NALF1: variants seen among roughly 807,000 people sequenced by gnomAD.
NALF1 encodes the protein NALCN channel auxiliary factor 1.
NALF1 carries 3 observed loss-of-function variants against 48.4 expected under a neutral mutation model. That is an observed-to-expected ratio of 0.06 (90% confidence interval 0.03 to 0.16). The LOEUF (loss-of-function observed/expected upper bound fraction) is 0.16, where lower values mean the gene tolerates loss of function less well. Ranked by LOEUF, NALF1 falls within the 10% of genes least tolerant of loss-of-function variation. The pLI, the probability that NALF1 is intolerant of heterozygous loss-of-function variation, is 1.00. For synonymous variants in NALF1, 262 were observed against 245.7 expected, an observed-to-expected ratio of 1.07 and a Z score of -0.62; for missense variants, 526 against 571.5, an observed-to-expected ratio of 0.92 and a Z score of 0.81.
intron 1 of NALF1, among the ~76,000 whole-genome samples, chr13:107,348,771 T>C (rs1280063832): frequency 6.6e-6 from 1 of 152,210 alleles, no homozygotes; most frequent in African/African-American, 2.4e-5. Context: ...TTTTAATGGT[T>C]TTTATAAATA....
At chr13:107,786,906 GCAAA>G (rs1878091779) in intron 1 of NALF1, among the ~76,000 whole-genome samples, 1 of 152,198 alleles carries the variant, frequency 6.6e-6, no homozygotes, top group Non-Finnish European at 1.5e-5. Context: ...TGAGAGCGGA[GCAAA>G]CAATGTTGGA....
intron 1 of NALF1, chr13:107,466,492 A>T (rs146474237): frequency 6.6e-6 from 1 of 152,280 alleles, no homozygotes; most frequent in African/African-American, 2.4e-5. Flanking sequence ...ATCCACTCAA[A>T]TGCAGGTCTC....
intron 1 of NALF1, among the ~76,000 whole-genome samples, chr13:107,742,969 TCC>T (rs1255200800): frequency 1.3e-5 from 2 of 152,228 alleles, no homozygotes; most frequent in African/African-American, 2.4e-5. Flanking sequence ...CACACCAATT[TCC>T]TCAGCACACA....
At chr13:107,445,324 GCAT>G (rs1884632269) in intron 1 of NALF1, among the ~76,000 whole-genome samples, 1 of 151,698 alleles carries the variant, frequency 6.6e-6, no homozygotes, top group Admixed American at 6.6e-5. Context: ...TACACAAATG[GCAT>G]CATGTCATAT....
chr13:107,268,303 C>T lies in NALF1; in HGVS notation c.916-57548G>A, dbSNP rs371796436. On this transcript the variant is annotated intron_variant, in intron 1 of 2. Transcript: ENST00000375915. ...GCACCCAGCCTATTTCTGGAATTTT[C>T]GATTCAATATTTTGGGACCATGGTT... 1.1e-4 allele frequency among the ~76,000 whole-genome samples: 16 copies of T among 152,058 alleles called. No homozygotes were observed. In the South Asian group the frequency reaches 1.5e-3, roughly 14 times the overall value.
At chr13:107,252,771 T>C (rs544114080) in intron 1 of NALF1, among the ~76,000 whole-genome samples, 1 of 152,340 alleles carries the variant, frequency 6.6e-6, no homozygotes, top group East Asian at 1.9e-4. Flanking sequence ...ATAAACAATA[T>C]TATTTTCTAA....
At chr13:107,253,510 G>C (rs890973436) in intron 1 of NALF1, among the ~76,000 whole-genome samples, 1 of 152,244 alleles carries the variant, frequency 6.6e-6, no homozygotes, top group African/African-American at 2.4e-5. Flanking sequence ...GCTGGGGAAA[G>C]TCCTCTCCGT....
intron 1 of NALF1, among the ~76,000 whole-genome samples, chr13:107,487,685 G>GT (rs1213501672): frequency 3.3e-5 from 5 of 152,058 alleles, no homozygotes; most frequent in African/African-American, 7.2e-5. Flanking sequence ...GTTTGCTAGT[G>GT]TTTTTTTGAG....
intron 1 of NALF1, among the ~76,000 whole-genome samples, chr13:107,412,406 A>G (rs1884007745): frequency 2.0e-5 from 3 of 152,176 alleles, no homozygotes; most frequent in Admixed American, 2.0e-4. Flanking sequence ...TTTGGTGTCC[A>G]CTAAAACCTT....
intron 1 of NALF1, among the ~76,000 whole-genome samples, chr13:107,489,973 A>G (rs1430668635): frequency 6.6e-6 from 1 of 152,248 alleles, no homozygotes; most frequent in East Asian, 1.9e-4. Context: ...GCTAACAATC[A>G]TCTGAAAGAA....
chr13:107,258,725 G>A (rs1880870197), intron 1 of NALF1, among the ~76,000 whole-genome samples: 1 of 152,124 alleles, frequency 6.6e-6, no homozygotes, highest in Non-Finnish European at 1.5e-5. Context: ...AAATAAAAAA[G>A]CTTCCAAAAG....
In NALF1 at chr13:107,651,228, T is replaced by A. The variant is rs546615194; in HGVS notation, c.915+214454A>T. On this transcript the variant is annotated intron_variant, in intron 1 of 2. Transcript: ENST00000375915. ...CACATGGTACATAACCTCTGGCCTT[T>A]GACATTTAGTCCCGGGCTGTTTCTG... 2.6e-5 allele frequency among the ~76,000 whole-genome samples: 4 copies of A among 152,340 alleles called. No individual in the cohort carries two copies. In the South Asian group the frequency reaches 8.3e-4, roughly 32 times the overall value.
chr13:107,858,616 G>A (rs1880494122), intron 1 of NALF1, among the ~76,000 whole-genome samples: 1 of 152,194 alleles, frequency 6.6e-6, no homozygotes. Context: ...TGAACTGGGA[G>A]ACAGAGGTAG....
chr13:107,271,803 TATA>T (rs1566470738), intron 1 of NALF1, among the ~76,000 whole-genome samples: 19 of 93,708 alleles, frequency 2.0e-4, no homozygotes, highest in Middle Eastern at 4.9e-3. Flanking sequence ...TATATATATA[TATA>T]TATATATATA....
chr13:107,708,716 TA>T (rs1312157352), intron 1 of NALF1, among the ~76,000 whole-genome samples: 1 of 40,420 alleles, frequency 2.5e-5, no homozygotes. Context: ...CTTTTCTCTT[TA>T]TTTATTTTTT....
chr13:107,278,952 G>A (rs550702360), intron 1 of NALF1, among the ~76,000 whole-genome samples: 3 of 151,826 alleles, frequency 2.0e-5, no homozygotes, highest in East Asian at 1.9e-4. Flanking sequence ...AAGTAATGAT[G>A]ATTGGCTTCA....
chr13:107,170,767 T>A lies in NALF1; in HGVS notation c.1107A>T (p.Leu369=). ...CACAGCATTCTGGTTCATCATTGGTTAGAAAGGTTTCATAAAGCCCTGTAG... is the reference window on the plus strand; with the variant it reads ...CACAGCATTCTGGTTCATCATTGGTAAGAAAGGTTTCATAAAGCCCTGTAG... The part of the protein sequence containing the change: ...FICTGLYETF[L]TNDEPECCDV... Residue 369 remains leucine (L), a synonymous_variant, in exon 3 of 3, where the codon CTA becomes CTT. Transcript: ENST00000375915. The A allele has an allele frequency of 6.2e-7, 1 of 1,614,182 alleles. No individual in the cohort carries two copies.
At chr13:107,472,892 G>C (rs1885123154) in intron 1 of NALF1, among the ~76,000 whole-genome samples, 1 of 152,076 alleles carries the variant, frequency 6.6e-6, no homozygotes, top group South Asian at 2.1e-4. Context: ...TATCCTATTA[G>C]TCCTGTCCCT....
intron 1 of NALF1, among the ~76,000 whole-genome samples, chr13:107,836,659 A>G (rs995619129): frequency 6.6e-6 from 1 of 152,194 alleles, no homozygotes; most frequent in Admixed American, 6.5e-5. Context: ...GTGTATATGA[A>G]GGGTACTTAA....
Sources: gnomAD v4.1 joint callset for allele counts (sites outside exome capture counted in the v4.1 genomes callset) on GRCh38, gnomAD v4.1.1 for gene constraint, MANE v1.5 for transcripts, NCBI Gene and HGNC (gene_info 2026-07-23, HGNC 2026-07-21) for gene names.